Variants in SLC39A14 observed in about 807,000 individuals in gnomAD.
The protein encoded by SLC39A14 is metal cation symporter ZIP14.
Under a neutral mutation model 45.5 loss-of-function variants are expected in SLC39A14, and 19 were observed. The observed-to-expected ratio is 0.42, with a 90% CI of 0.29 to 0.61. The LOEUF (loss-of-function observed/expected upper bound fraction) is 0.61, where lower values mean the gene tolerates loss of function less well. Among genes scored for constraint, SLC39A14 ranks in the 20% least tolerant of loss-of-function variants. The pLI is 0.22. For synonymous variants in SLC39A14, 264 were observed against 251.3 expected, an observed-to-expected ratio of 1.05 and a Z score of -0.48; for missense variants, 447 against 616.5, an observed-to-expected ratio of 0.73 and a Z score of 2.91.
chr8:22,386,365 C>T (rs972842206), intron 1 of SLC39A14, among the ~76,000 whole-genome samples: 1 of 149,584 alleles, frequency 6.7e-6, no homozygotes, highest in Non-Finnish European at 1.5e-5. Context: ...CTCCCGGGTT[C>T]GAGGGATTCT....
At chr8:22,373,127 G>A (rs1241607494) in intron 1 of SLC39A14, among the ~76,000 whole-genome samples, 2 of 151,996 alleles carry the variant, frequency 1.3e-5, no homozygotes, top group Non-Finnish European at 2.9e-5. Flanking sequence ...GCTGGGTGTG[G>A]TGGTGCACGC....
At chr8:22,388,804 C>G (rs77442380) in intron 1 of SLC39A14, among the ~76,000 whole-genome samples, 3 of 152,046 alleles carry the variant, frequency 2.0e-5, no homozygotes, top group Non-Finnish European at 4.4e-5. Context: ...TTGGACAGCC[C>G]GAGGGAGAAT....
At chr8:22,425,096 A>G (rs1315842766), downstream of SLC39A14, among the ~76,000 whole-genome samples, 1 of 151,066 alleles carries the variant, frequency 6.6e-6, no homozygotes, top group Admixed American at 6.6e-5. Flanking sequence ...GGAGATGCTC[A>G]CTTTCCATGG....
At chr8:22,392,028 G>A (rs1478084974) in intron 1 of SLC39A14, among the ~76,000 whole-genome samples, 1 of 152,216 alleles carries the variant, frequency 6.6e-6, no homozygotes, top group Non-Finnish European at 1.5e-5. Context: ...AAATAGGAGG[G>A]AAGGATGCAT....
chr8:22,427,611 G>C (rs1836407604), downstream of SLC39A14, among the ~76,000 whole-genome samples: 1 of 152,018 alleles, frequency 6.6e-6, no homozygotes, highest in Non-Finnish European at 1.5e-5. Flanking sequence ...ATAAAAACAA[G>C]CTCTTTTGAA....
At position 22,386,267 on chromosome 8, in the gene SLC39A14, C is replaced by CT. The variant is rs113517662; in HGVS notation, c.-15-18412dup. Among the ~76,000 whole-genome samples the CT allele has an allele frequency of 2.5e-3, 327 of 131,954 alleles. 2 individuals are homozygous for CT. Among genetic ancestry groups the CT allele is most frequent in the East Asian group, 0.01 (44 of 4,364 alleles). 86.6% of individuals were successfully genotyped at this position (131,954 alleles called of 152,430 possible). A position where few individuals can be genotyped will look rare whatever the true frequency, so the allele number is the denominator to read the frequency against. The stretch of plus-strand genomic sequence containing the variant: ...ACGAATATGTACTTTAGAAGGATGA[C>CT]TTTTTTTTTTTTTTTTTGAAATGGA... On this transcript the variant is annotated intron_variant, in intron 1 of 8. Coordinates refer to ENST00000381237, the MANE Select transcript of SLC39A14 (RefSeq NM_001128431.4).
At chr8:22,433,043 A>G (rs1277066786) in intron 8 of SLC39A14, among the ~76,000 whole-genome samples, 2 of 152,002 alleles carry the variant, frequency 1.3e-5, no homozygotes, top group East Asian at 3.9e-4. Flanking sequence ...GGCTCAAGCG[A>G]TCCTTGTGCC....
chr8:22,396,062 C>A (rs949283106), intron 1 of SLC39A14, among the ~76,000 whole-genome samples: 2 of 151,972 alleles, frequency 1.3e-5, no homozygotes, highest in Admixed American at 6.6e-5. Context: ...TATTCCTTTT[C>A]CGTTAGAAGA....
At chr8:22,368,581 C>T (rs1252224459) in intron 1 of SLC39A14, among the ~76,000 whole-genome samples, 3 of 151,542 alleles carry the variant, frequency 2.0e-5, no homozygotes, top group African/African-American at 4.9e-5. Flanking sequence ...CTGTTGCCCA[C>T]GCAAGAGTGC....
At chr8:22,415,000 C>A in intron 5 of SLC39A14, 98 bp downstream of exon 5, 2 of 1,344,394 alleles carry the variant, frequency 1.5e-6, no homozygotes, top group Non-Finnish European at 2.1e-6. Flanking sequence ...GGTCTTAGCC[C>A]AATATCACAA....
intron 2 of SLC39A14, among the ~76,000 whole-genome samples, chr8:22,406,166 G>T (rs867975091): frequency 6.6e-6 from 1 of 152,184 alleles, no homozygotes; most frequent in Non-Finnish European, 1.5e-5. Context: ...ATGGACGGGG[G>T]TGCTGGGCAC....
At chr8:22,384,957 G>A (rs903364998) in intron 1 of SLC39A14, among the ~76,000 whole-genome samples, 6 of 151,370 alleles carry the variant, frequency 4.0e-5, no homozygotes, top group African/African-American at 1.5e-4. Context: ...GGCTGAGACT[G>A]GAGAATTGCT....
chr8:22,378,148 G>A (rs1407678407), intron 1 of SLC39A14, among the ~76,000 whole-genome samples: 1 of 152,190 alleles, frequency 6.6e-6, no homozygotes, highest in Non-Finnish European at 1.5e-5. Context: ...GAAGTAAACT[G>A]GAATAGGACA....
intron 8 of SLC39A14, among the ~76,000 whole-genome samples, chr8:22,431,843 A>C (rs1836471982): frequency 6.6e-6 from 1 of 152,236 alleles, no homozygotes; most frequent in African/African-American, 2.4e-5. Context: ...AATGTCTAAA[A>C]ACACCACCAC....
chr8:22,393,145 C>G, intron 1 of SLC39A14: 1 of 965,894 alleles, frequency 1.0e-6, no homozygotes, highest in Non-Finnish European at 1.2e-6. Context: ...CTGGAAATTT[C>G]CCACCCTGGG....
intron 1 of SLC39A14, among the ~76,000 whole-genome samples, chr8:22,381,956 C>T (rs1833537750): frequency 6.6e-6 from 1 of 152,114 alleles, no homozygotes; most frequent in African/African-American, 2.4e-5. Flanking sequence ...GCCTGGCCGA[C>T]ATGGTGAAAC....
rs1162621340 is a variant in SLC39A14 at position 22,421,088 on chromosome 8, A to G, written c.*1390A>G. The G allele has an allele frequency of 3.0e-6, 3 of 985,080 alleles. No homozygotes were observed. Among genetic ancestry groups the G allele is most frequent in the Non-Finnish European group, 3.6e-6 (3 of 829,376 alleles). 61.0% of individuals were successfully genotyped at this position (985,080 alleles called of 1,614,324 possible). ...AGGTGAATTGATTTATTATTATCATATTGATAATGTGAGATTCTTTAGCCA... is the reference window on the plus strand; with the variant it reads ...AGGTGAATTGATTTATTATTATCATGTTGATAATGTGAGATTCTTTAGCCA... On this transcript the variant is annotated 3_prime_UTR_variant, in exon 9 of 9. Transcript: ENST00000381237.
chr8:22,385,487 AC>A (rs1833742770), intron 1 of SLC39A14, among the ~76,000 whole-genome samples: 1 of 152,120 alleles, frequency 6.6e-6, no homozygotes, highest in African/African-American at 2.4e-5. Context: ...TTGAACTGAG[AC>A]CTGTTAGGAA....
intron 1 of SLC39A14, among the ~76,000 whole-genome samples, chr8:22,388,881 T>TCTTG (rs939328145): frequency 1.3e-5 from 2 of 151,978 alleles, no homozygotes; most frequent in African/African-American, 4.8e-5. Flanking sequence ...TTCCTTTCTT[T>TCTTG]CAGTAACCCT....
Sources: allele counts gnomAD v4.1 joint callset (sites outside exome capture counted in the v4.1 genomes callset), GRCh38; gene constraint gnomAD v4.1.1; transcripts MANE v1.5; gene names NCBI Gene and HGNC (gene_info 2026-07-23, HGNC 2026-07-21).